The following ATXN1L variants were observed in gnomAD, a reference collection of about 807,000 sequenced individuals.
The protein encoded by ATXN1L is ataxin-1-like.
Under a neutral mutation model 43.4 loss-of-function variants are expected in ATXN1L, and 8 were observed. The ratio of observed to expected loss-of-function variants is 0.18; its 90% CI spans 0.11 to 0.33. ATXN1L has a LOEUF of 0.33. Among genes scored for constraint, ATXN1L ranks in the 10% least tolerant of loss-of-function variants. ATXN1L has a pLI of 1.00. For missense variants in ATXN1L, 856 were observed against 885.4 expected (o/e 0.97, Z 0.42); for synonymous variants, 379 against 360.6 (o/e 1.05, Z -0.58).
chr16:71,849,600 T>A (rs1456008817), intron 2 of ATXN1L, 24 bp from the exon 3 acceptor site: 2 of 870,312 alleles, frequency 2.3e-6, no homozygotes, highest in African/African-American at 3.4e-5. Flanking sequence ...TACTTTTCTT[T>A]GCCTCTGATT....
At position 71,850,925 on chromosome 16, in the gene ATXN1L, C is replaced by G; in HGVS notation, c.1185C>G (p.Phe395Leu). ...ELAEKSQARG[F>L]YPQSHQEPVK... ...CAGAGAAAAGTCAGGCCCGTGGGTTCTACCCTCAGTCCCATCAGGAACCAG... is the reference window on the plus strand; with the variant it reads ...CAGAGAAAAGTCAGGCCCGTGGGTTGTACCCTCAGTCCCATCAGGAACCAG... Residue 395 changes from phenylalanine (F) to leucine (L), a missense_variant, in exon 3 of 3, where the codon TTC (phenylalanine) becomes TTG (leucine). Transcript: ENST00000427980. 6.4e-7 allele frequency: 1 copy of G among 1,551,686 alleles called. No individual in the cohort carries two copies. The highest frequency in any genetic ancestry group is 8.7e-7 in the Non-Finnish European group (1 of 1,146,978).
rs1213151167 is a variant in ATXN1L at position 71,855,442 on chromosome 16, C to T, written c.*3632C>T. On this transcript the variant is annotated 3_prime_UTR_variant, in exon 3 of 3. Transcript: ENST00000427980. Reference sequence around the variant, plus strand: ...GCATCCCAGTGAAGTTCGTCCAGCTCCAGTTAGGTGGATTCTGGAGTTCGG... The same window carrying T: ...GCATCCCAGTGAAGTTCGTCCAGCTTCAGTTAGGTGGATTCTGGAGTTCGG... The T allele has an allele frequency of 6.0e-6, 1 of 167,102 alleles. No homozygotes were observed. The allele number at this position is 167,102 out of a possible 1,614,324, so 10.4% of individuals were successfully genotyped here.
chr16:71,850,390 C>T lies in ATXN1L; in HGVS notation c.650C>T (p.Thr217Ile). Residue 217 changes from threonine to isoleucine, a missense_variant, in exon 3 of 3, where the codon ACT (threonine) becomes ATT (isoleucine). Physicochemically the swap from Thr to Ile is moderately conservative, Grantham distance 89. This residue lies in a region of ATXN1L where 490 missense variants were observed against 449.4 expected (regional missense o/e 1.09). Transcript: ENST00000427980. ...PSGQLPHHSS[T>I]QPLDLAPGRM... ...GGGCAATTGCCACATCATTCAAGTA[C>T]TCAGCCGCTGGACCTTGCTCCAGGT... 4.5e-6 allele frequency: 7 copies of T among 1,551,710 alleles called. No individual in the cohort carries two copies. The highest frequency in any genetic ancestry group is 2.4e-5 in the East Asian group (1 of 40,912).
rs1339785193 is a variant in ATXN1L, at chr16:71,851,028, C to A, written c.1288C>A (p.Leu430Met). 6.4e-7 allele frequency: 1 copy of A among 1,551,576 alleles called. No homozygotes were observed. The highest frequency in any genetic ancestry group is 1.4e-5 in the African/African-American group (1 of 73,048). Residue 430 changes from leucine to methionine, a missense_variant, in exon 3 of 3, where the codon CTG (leucine) becomes ATG (methionine). Leu to Met is a conservative substitution (Grantham distance 15). Transcript: ENST00000427980. This position sits in a 1 kb window ranked among gnomAD's most constrained non-coding sequence, Gnocchi z 4.9. ...GCCCACTGGAACTGACTCAGGCCTGCTGCCTGTGGGCTCGGAGATCCTGGT... is the reference window on the plus strand; with the variant it reads ...GCCCACTGGAACTGACTCAGGCCTGATGCCTGTGGGCTCGGAGATCCTGGT... The part of the protein sequence containing the change: ...LVPTGTDSGL[L>M]PVGSEILVAS...
chr16:71,850,072 A>G lies in ATXN1L; in HGVS notation c.332A>G (p.Asn111Ser). 1 of 1,551,616 alleles carries G rather than the reference A, an allele frequency of 6.4e-7. No homozygotes were observed. Among genetic ancestry groups the G allele is most frequent in the Non-Finnish European group, 8.7e-7 (1 of 1,146,968 alleles). ...VNMSPLPPTF[N>S]VASSLIQHPG... ...ATGAGTCCCTTGCCCCCAACGTTTA[A>G]TGTAGCGTCTTCACTAATTCAACAT... The change falls in exon 3 of 3, where the codon AAT becomes AGT. Residue 111 changes from asparagine to serine, a missense_variant. Physicochemically the swap from Asn to Ser is conservative, Grantham distance 46. Around this residue, in one of 7 missense-constraint regions of ATXN1L, gnomAD observed 490 missense variants for 449.4 expected, o/e 1.09. Transcript: ENST00000427980.
intron 1 of ATXN1L, 99 bp from the exon 2 acceptor site, chr16:71,847,911 C>T (rs1464600993): frequency 5.0e-6 from 2 of 396,242 alleles, no homozygotes; most frequent in Non-Finnish European, 5.1e-6. Context: ...GAGGCAAGGA[C>T]GTGTATACTC....
Position 71,851,943 on chromosome 16 carries a change from T to C in ATXN1L, c.*133T>C, listed in dbSNP as rs1397531728. The stretch of plus-strand genomic sequence containing the variant: ...TGAGATTTGGGGGAAAGGGGAGGCA[T>C]GAAGTCAGCCTCCCAAGGCAGGATC... On this transcript the variant is annotated 3_prime_UTR_variant, in exon 3 of 3. Coordinates refer to ENST00000427980, the MANE Select transcript of ATXN1L (RefSeq NM_001137675.4). The surrounding 1 kb of genome is among the most constrained non-coding windows in gnomAD (Gnocchi z 4.9). 1.9e-6 allele frequency: 2 copies of C among 1,051,570 alleles called. No individual in the cohort carries two copies. The highest frequency in any genetic ancestry group is 2.6e-6 in the Non-Finnish European group (2 of 776,798). The allele number at this position is 1,051,570 out of a possible 1,614,324, so 65.1% of individuals were successfully genotyped here.
At chr16:71,848,633 T>C (rs1211253040) in intron 2 of ATXN1L, among the ~76,000 whole-genome samples, 1 of 152,020 alleles carries the variant, frequency 6.6e-6, no homozygotes, top group African/African-American at 2.4e-5. Flanking sequence ...AGTTAAAATG[T>C]ATTATTTCAT....
rs1008934913 is a variant in ATXN1L at position 71,852,423 on chromosome 16, C to T, written c.*613C>T. Reference sequence around the variant, plus strand: ...CTGCTTGATCCTCTGCTTCATAGCCCTTCCCCATCTCTCCTCACCATTCTG... The same window carrying T: ...CTGCTTGATCCTCTGCTTCATAGCCTTTCCCCATCTCTCCTCACCATTCTG... On this transcript the variant is annotated 3_prime_UTR_variant, in exon 3 of 3. Transcript: ENST00000427980. 1 of 167,248 alleles carries T rather than the reference C, an allele frequency of 6.0e-6. No homozygotes were observed. The highest frequency in any genetic ancestry group is 2.4e-5 in the African/African-American group (1 of 41,434). The allele number at this position is 167,248 out of a possible 1,614,324, so 10.4% of individuals were successfully genotyped here.
intron 1 of ATXN1L, among the ~76,000 whole-genome samples, chr16:71,846,500 A>T (rs1399471803): frequency 6.6e-6 from 1 of 152,234 alleles, no homozygotes; most frequent in Non-Finnish European, 1.5e-5. Context: ...ACTGGGAGCC[A>T]TAACCGTAGT....
At position 71,850,795 on chromosome 16, in the gene ATXN1L, T is replaced by G. The variant is rs1303489501; in HGVS notation, c.1055T>G (p.Val352Gly). The change falls in exon 3 of 3, where the codon GTG becomes GGG. Residue 352 changes from valine (V) to glycine (G), a missense_variant. This residue lies in a region of ATXN1L where 490 missense variants were observed against 449.4 expected (regional missense o/e 1.09). Coordinates refer to ENST00000427980, the MANE Select transcript of ATXN1L (RefSeq NM_001137675.4). ...GALASQDYRV[V>G]AAQRKEEPSP... ...TTAGCTTCTCAGGACTATCGTGTGG[T>G]GGCAGCTCAGAGGAAGGAGGAACCC... is the stretch of plus-strand genomic sequence containing the variant. 4 of 1,551,640 alleles carry G rather than the reference T, an allele frequency of 2.6e-6. No homozygotes were observed. In the African/African-American group the frequency reaches 5.5e-5, roughly 21 times the overall value.
chr16:71,853,854 T>G lies in ATXN1L; in HGVS notation c.*2044T>G, dbSNP rs2033528759. ...AGGTTGCTGACCTGACCGTGAGTGCTTCAGTATCTGGTTTGTGTCAGAACC... is the reference window on the plus strand; with the variant it reads ...AGGTTGCTGACCTGACCGTGAGTGCGTCAGTATCTGGTTTGTGTCAGAACC... On this transcript the variant is annotated 3_prime_UTR_variant, in exon 3 of 3. Coordinates refer to ENST00000427980, the MANE Select transcript of ATXN1L (RefSeq NM_001137675.4). 1 of 167,120 alleles carries G rather than the reference T, an allele frequency of 6.0e-6. No individual in the cohort carries two copies. The allele number at this position is 167,120 out of a possible 1,614,324, so 10.4% of individuals were successfully genotyped here.
Position 71,850,843 on chromosome 16 carries a change from A to C in ATXN1L, c.1103A>C (p.His368Pro). Residue 368 changes from histidine (H) to proline (P), a missense_variant, in exon 3 of 3, where the codon CAT becomes CCT. By Grantham distance (77) the His-to-Pro change is moderately conservative. This residue lies in a region of ATXN1L where 490 missense variants were observed against 449.4 expected (regional missense o/e 1.09). Coordinates refer to ENST00000427980, the MANE Select transcript of ATXN1L (RefSeq NM_001137675.4). Reference protein sequence around the residue: ...EEPSPLNLSHHTPDHQGEGRG... With the variant: ...EEPSPLNLSHPTPDHQGEGRG... ...CCCAGCCCCCTCAACCTATCCCATC[A>C]TACCCCCGACCATCAGGGTGAGGGG... 2 of 1,551,666 alleles carry C rather than the reference A, an allele frequency of 1.3e-6. No homozygotes were observed. Among genetic ancestry groups the C allele is most frequent in the Non-Finnish European group, 1.7e-6 (2 of 1,146,988 alleles).
rs1205688040 is a variant in ATXN1L at position 71,857,128 on chromosome 16, G to A, written c.*5318G>A. 6 of 166,784 alleles carry A rather than the reference G, an allele frequency of 3.6e-5. No homozygotes were observed. The highest frequency in any genetic ancestry group is 7.3e-5 in the Non-Finnish European group (5 of 68,066). The allele number at this position is 166,784 out of a possible 1,614,324, so 10.3% of individuals were successfully genotyped here. ...GTAACTGTTTTAAATAAATCAATTTGTACTGTATATTTGTACTTTTGTGAG... is the reference window on the plus strand; with the variant it reads ...GTAACTGTTTTAAATAAATCAATTTATACTGTATATTTGTACTTTTGTGAG... On this transcript the variant is annotated 3_prime_UTR_variant, in exon 3 of 3. Coordinates refer to ENST00000427980, the MANE Select transcript of ATXN1L (RefSeq NM_001137675.4).
chr16:71,849,008 C>G (rs1007269292), intron 2 of ATXN1L, among the ~76,000 whole-genome samples: 6 of 151,808 alleles, frequency 4.0e-5, no homozygotes, highest in African/African-American at 1.5e-4. Context: ...CAAGGGCAGG[C>G]GTTCGAGACT....
rs1375209340 is a variant in ATXN1L, at chr16:71,854,752, T to C, written c.*2942T>C. ...TGTCCCTTGTCAGCAGTAGGACATT[T>C]CCAGCTCTTAGGAATAGAAAGGAGG... On this transcript the variant is annotated 3_prime_UTR_variant, in exon 3 of 3. Coordinates refer to ENST00000427980, the MANE Select transcript of ATXN1L (RefSeq NM_001137675.4). The C allele has an allele frequency of 6.0e-6, 1 of 167,036 alleles. No individual in the cohort carries two copies. The highest frequency in any genetic ancestry group is 2.4e-5 in the African/African-American group (1 of 41,440). The allele number at this position is 167,036 out of a possible 1,614,324, so 10.3% of individuals were successfully genotyped here. A position where few individuals can be genotyped will look rare whatever the true frequency, so the allele number is the denominator to read the frequency against.
At position 71,851,097 on chromosome 16, in the gene ATXN1L, A is replaced by C; in HGVS notation, c.1357A>C (p.Lys453Gln). Residue 453 changes from lysine to glutamine, a missense_variant, in exon 3 of 3, where the codon AAG becomes CAG. Transcript: ENST00000427980. The surrounding 1 kb of genome is among the most constrained non-coding windows in gnomAD (Gnocchi z 4.9). The stretch of plus-strand genomic sequence containing the variant: ...GCAGGCCAGAGCCACCTTCCCAGAC[A>C]AGGAGCCAACGCCGCCCCCCATTAC... ...DVQARATFPDKEPTPPPITSS... is the reference protein window; with the variant it reads ...DVQARATFPDQEPTPPPITSS... 6.4e-7 allele frequency: 1 copy of C among 1,551,548 alleles called. No individual in the cohort carries two copies. Among genetic ancestry groups the C allele is most frequent in the Non-Finnish European group, 8.7e-7 (1 of 1,146,904 alleles).
Position 71,851,087 on chromosome 16 carries a change from C to G in ATXN1L, c.1347C>G (p.Thr449=). The stretch of plus-strand genomic sequence containing the variant: ...GTCTGGACGTGCAGGCCAGAGCCAC[C>G]TTCCCAGACAAGGAGCCAACGCCGC... ...ASSLDVQARA[T]FPDKEPTPPP... is the part of the protein sequence containing the mutation. The change falls in exon 3 of 3, where the codon ACC becomes ACG. Residue 449 remains threonine, a synonymous_variant. Transcript: ENST00000427980. This position sits in a 1 kb window ranked among gnomAD's most constrained non-coding sequence, Gnocchi z 4.9. The G allele has an allele frequency of 2.6e-6, 4 of 1,551,598 alleles. No homozygotes were observed. The highest frequency in any genetic ancestry group is 3.5e-6 in the Non-Finnish European group (4 of 1,146,922).
In ATXN1L at chr16:71,849,934, G is replaced by A. The variant is rs1276460573; in HGVS notation, c.194G>A (p.Gly65Asp). Residue 65 changes from glycine to aspartate, a missense_variant, in exon 3 of 3, where the codon GGT becomes GAT. Around this residue, in one of 7 missense-constraint regions of ATXN1L, gnomAD observed 93 missense variants for 113.4 expected, o/e 0.82. Coordinates refer to ENST00000427980, the MANE Select transcript of ATXN1L (RefSeq NM_001137675.4). Reference protein sequence around the residue: ...SQAGARVSLGGDGAEAITGLT... With the variant: ...SQAGARVSLGDDGAEAITGLT... ...GCAGGAGCCAGAGTCAGCCTGGGGGGTGATGGAGCTGAGGCCATCACCGGT... is the reference window on the plus strand; with the variant it reads ...GCAGGAGCCAGAGTCAGCCTGGGGGATGATGGAGCTGAGGCCATCACCGGT... 1.9e-6 allele frequency: 3 copies of A among 1,551,276 alleles called. No homozygotes were observed. Among genetic ancestry groups the A allele is most frequent in the East Asian group, 2.4e-5 (1 of 40,894 alleles).
Sources: gnomAD v4.1 joint callset for allele counts (sites outside exome capture counted in the v4.1 genomes callset) on GRCh38, gnomAD v4.1.1 for gene constraint, gnomAD v4.1.1 regional missense constraint, Gnocchi (gnomAD v3.1) non-coding constraint, MANE v1.5 for transcripts, NCBI Gene and HGNC (gene_info 2026-07-23, HGNC 2026-07-21) for gene names.